The following CAND1 variants were observed in gnomAD, a reference collection of about 807,000 sequenced individuals.
CAND1 encodes cullin-associated NEDD8-dissociated protein 1.
CAND1 carries 7 observed loss-of-function variants against 108.5 expected under a neutral mutation model. The observed-to-expected ratio is 0.06, with a 90% confidence interval of 0.04 to 0.12. The LOEUF (loss-of-function observed/expected upper bound fraction) is 0.12. Among genes scored for constraint, CAND1 ranks in the 10% least tolerant of loss-of-function variants. The pLI is 1.00. For synonymous variants in CAND1, 534 were observed against 512.0 expected (o/e 1.04, Z -0.58); for missense variants, 941 against 1,448.7 (o/e 0.65, Z 5.69).
intron 1 of CAND1, among the ~76,000 whole-genome samples, chr12:67,275,908 T>C (rs776262982): frequency 5.9e-5 from 9 of 152,208 alleles, no homozygotes; most frequent in Admixed American, 2.0e-4. Context: ...GGGAATTCCA[T>C]TGAAGTCTGA....
chr12:67,295,242 A>G, intron 4 of CAND1, 86 bp downstream of exon 4: 3 of 1,259,206 alleles, frequency 2.4e-6, no homozygotes, highest in Non-Finnish European at 3.2e-6. Flanking sequence ...ATATAATAAA[A>G]CTTGGTCAGA....
chr12:67,319,007 A>G lies in CAND1; in HGVS notation c.*6177A>G, dbSNP rs973461303. The G allele has an allele frequency of 6.6e-6, 1 of 152,238 alleles. No homozygotes were observed. Among genetic ancestry groups the G allele is most frequent in the Admixed American group, 6.5e-5 (1 of 15,280 alleles). The allele number at this position is 152,238 out of a possible 1,614,324, so 9.4% of individuals were successfully genotyped here. ...AAACAGATCGCTGGGCCCTACACCC[A>G]GAGGCTGTGGTTCAGTAGGCTGTAG... is the stretch of plus-strand genomic sequence containing the variant. On this transcript the variant is annotated 3_prime_UTR_variant, in exon 15 of 15. Coordinates refer to ENST00000545606, the MANE Select transcript of CAND1 (RefSeq NM_018448.5).
intron 6 of CAND1, among the ~76,000 whole-genome samples, chr12:67,298,174 G>A (rs974800003): frequency 2.6e-5 from 4 of 152,094 alleles, no homozygotes; most frequent in Non-Finnish European, 5.9e-5. Context: ...TAAATTATTC[G>A]TCAGAAATAA....
In CAND1 at chr12:67,295,019, T is replaced by G; in HGVS notation, c.368-14T>G. 6.2e-7 allele frequency: 1 copy of G among 1,605,092 alleles called. No homozygotes were observed. The highest frequency in any genetic ancestry group is 1.1e-5 in the South Asian group (1 of 89,428). ...GCTTGCCTTGAAATTATTATTGGCT[T>G]CTTATTCATGCAGGCTCTGCATTAG... On this transcript the variant is annotated splice_polypyrimidine_tract_variant and intron_variant, in intron 3 of 14. Coordinates refer to ENST00000545606, the MANE Select transcript of CAND1 (RefSeq NM_018448.5).
At position 67,316,838 on chromosome 12, in the gene CAND1, C is replaced by G. The variant is rs746966035; in HGVS notation, c.*4008C>G. 2.6e-5 allele frequency: 4 copies of G among 151,998 alleles called. No homozygotes were observed. The highest frequency in any genetic ancestry group is 5.9e-5 in the Non-Finnish European group (4 of 68,004). 9.4% of individuals were successfully genotyped at this position (151,998 alleles called of 1,614,324 possible). On this transcript the variant is annotated 3_prime_UTR_variant, in exon 15 of 15. Transcript: ENST00000545606. Reference sequence around the variant, plus strand: ...TTAAGTGATTTTAGTCTAGAATGCTCTCAAAAAAATAGTAAAGAATTGTAC... The same window carrying G: ...TTAAGTGATTTTAGTCTAGAATGCTGTCAAAAAAATAGTAAAGAATTGTAC...
At chr12:67,282,898 A>G (rs1274686088) in intron 2 of CAND1, among the ~76,000 whole-genome samples, 2 of 152,194 alleles carry the variant, frequency 1.3e-5, no homozygotes, top group Non-Finnish European at 1.5e-5. Context: ...CTTGCTATGC[A>G]TGATGTTGGC....
chr12:67,276,893 A>C (rs2044574823), intron 1 of CAND1, among the ~76,000 whole-genome samples: 1 of 152,174 alleles, frequency 6.6e-6, no homozygotes, highest in African/African-American at 2.4e-5. Context: ...TTTGATTTTC[A>C]CATCTTCACT....
chr12:67,283,972 A>T (rs1476814103), intron 2 of CAND1, among the ~76,000 whole-genome samples: 1 of 152,178 alleles, frequency 6.6e-6, no homozygotes, highest in Non-Finnish European at 1.5e-5. Flanking sequence ...ATAATCTAAG[A>T]GCTGGGTCTT....
intron 1 of CAND1, among the ~76,000 whole-genome samples, chr12:67,273,096 GTTAC>G (rs748545776): frequency 7.9e-5 from 12 of 152,312 alleles, no homozygotes; most frequent in Admixed American, 2.0e-4. Context: ...GATAGTGCCT[GTTAC>G]TTACTAGCCT....
chr12:67,295,342 T>C (rs1295723951), intron 4 of CAND1, among the ~76,000 whole-genome samples, 186 bp downstream of exon 4: 5 of 152,208 alleles, frequency 3.3e-5, no homozygotes, highest in Non-Finnish European at 5.9e-5. Context: ...CATATAAGTA[T>C]ATAATATTGT....
Position 67,312,620 on chromosome 12 carries a change from A to G in CAND1, c.3483A>G (p.Ser1161=). The G allele has an allele frequency of 6.2e-7, 1 of 1,607,956 alleles. No individual in the cohort carries two copies. The highest frequency in any genetic ancestry group is 8.5e-7 in the Non-Finnish European group (1 of 1,176,984). Residue 1161 remains serine, a synonymous_variant, in exon 15 of 15, where the codon TCA becomes TCG. Transcript: ENST00000545606. The stretch of plus-strand genomic sequence containing the variant: ...CCATCTTACAGGTAAAGGCAAACTC[A>G]GTAAAGCAGGAGTTTGAAAAACAAG... ...ATCTTKVKAN[S]VKQEFEKQDE...
At position 67,301,490 on chromosome 12, in the gene CAND1, A is replaced by G. The variant is rs527253464; in HGVS notation, c.1001-833A>G. Among the ~76,000 whole-genome samples the G allele has an allele frequency of 8.1e-4, 124 of 152,274 alleles. 1 individual carries two copies. The highest frequency in any genetic ancestry group is 2.7e-3 in the African/African-American group (113 of 41,574). ...CCACCTTTCTGACTTCATATTACCC[A>G]ACTAATTAAACCTGATGGTGTTAGA... On this transcript the variant is annotated intron_variant, in intron 7 of 14. Transcript: ENST00000545606.
intron 1 of CAND1, among the ~76,000 whole-genome samples, chr12:67,280,160 T>C (rs1412992994): frequency 1.3e-5 from 2 of 152,204 alleles, no homozygotes; most frequent in Admixed American, 1.3e-4. Flanking sequence ...AATGCAAATA[T>C]AAGCTTTTTT....
chr12:67,302,538 C>G lies in CAND1; in HGVS notation c.1216C>G (p.Arg406Gly). Residue 406 changes from arginine (R) to glycine (G), a missense_variant, in exon 8 of 15, where the codon CGT becomes GGT. Physicochemically the swap from Arg to Gly is moderately radical, Grantham distance 125. Around this residue, in one of 9 missense-constraint regions of CAND1, gnomAD observed 697 missense variants for 942.0 expected, o/e 0.74. Coordinates refer to ENST00000545606, the MANE Select transcript of CAND1 (RefSeq NM_018448.5). ...HAYLSLLKQT[R>G]PVQSWLCDPD... ...ATACCTTTCTCTTTTGAAGCAAACT[C>G]GTCCTGTACAAAGTTGGCTATGTGA... The G allele has an allele frequency of 6.2e-7, 1 of 1,614,108 alleles. No individual in the cohort carries two copies. The highest frequency in any genetic ancestry group is 8.5e-7 in the Non-Finnish European group (1 of 1,179,940).
chr12:67,286,686 T>A (rs893958775), intron 2 of CAND1, among the ~76,000 whole-genome samples: 6 of 152,132 alleles, frequency 3.9e-5, no homozygotes, highest in Admixed American at 3.3e-4. Context: ...ATAAGTTAAT[T>A]AAAAATTTTC....
intron 8 of CAND1, among the ~76,000 whole-genome samples, chr12:67,303,141 T>G (rs953826889): frequency 7.2e-5 from 11 of 152,200 alleles, no homozygotes; most frequent in African/African-American, 2.7e-4. Context: ...TTGAGGGCAT[T>G]TGTTTTCTAA....
At chr12:67,289,376 C>G (rs2044701757) in intron 2 of CAND1, among the ~76,000 whole-genome samples, 1 of 138,782 alleles carries the variant, frequency 7.2e-6, no homozygotes, top group East Asian at 2.0e-4. Flanking sequence ...GTACCATGTC[C>G]AGCTAATTAA....
chr12:67,270,033 T>A, intron 1 of CAND1: 2 of 482,554 alleles, frequency 4.1e-6, no homozygotes, highest in Non-Finnish European at 7.2e-6. Flanking sequence ...CGTTTGCTTG[T>A]CTCAGCGCCC....
rs779596550 is a variant in CAND1 at position 67,305,931 on chromosome 12, A to G, written c.2263A>G (p.Met755Val). 2 of 1,614,194 alleles carry G rather than the reference A, an allele frequency of 1.2e-6. No homozygotes were observed. Among genetic ancestry groups the G allele is most frequent in the Non-Finnish European group, 8.5e-7 (1 of 1,180,016 alleles). Residue 755 changes from methionine (M) to valine (V), a missense_variant, in exon 10 of 15, where the codon ATG becomes GTG. Coordinates refer to ENST00000545606, the MANE Select transcript of CAND1 (RefSeq NM_018448.5). The surrounding 1 kb of genome is among the most constrained non-coding windows in gnomAD (Gnocchi z 4.4). ...PLLQGGALSA[M>V]LDFFQALVVT... The stretch of plus-strand genomic sequence containing the variant: ...ATTGCAGGGGGGAGCTCTTAGTGCC[A>G]TGCTAGACTTTTTCCAAGCTCTGGT...
Sources: gnomAD v4.1 joint callset for allele counts (sites outside exome capture counted in the v4.1 genomes callset) on GRCh38, gnomAD v4.1.1 for gene constraint, gnomAD v4.1.1 regional missense constraint, Gnocchi (gnomAD v3.1) non-coding constraint, MANE v1.5 for transcripts, NCBI Gene and HGNC (gene_info 2026-07-23, HGNC 2026-07-21) for gene names.